The following TAF6 variants were observed in gnomAD, a reference collection of about 807,000 sequenced individuals.
The protein encoded by TAF6 is transcription initiation factor TFIID subunit 6.
TAF6 carries 50 observed loss-of-function variants against 73.5 expected under a neutral mutation model. The observed-to-expected ratio is 0.68, with a 90% CI of 0.54 to 0.86. TAF6 has a LOEUF of 0.86. Ranked by LOEUF, TAF6 falls within the 40% of genes least tolerant of loss-of-function variation. The pLI is 0.00. For missense variants in TAF6, 768 were observed against 899.5 expected (o/e 0.85, Z 1.87); for synonymous variants, 424 against 376.7 (o/e 1.13, Z -1.45).
chr7:100,114,713 A>G (rs1231079894), intron 1 of TAF6, among the ~76,000 whole-genome samples: 5 of 141,942 alleles, frequency 3.5e-5, no homozygotes, highest in Admixed American at 7.1e-5. Flanking sequence ...CCGTCTCAGG[A>G]AAAAAAAAAA....
In TAF6 at chr7:100,113,973, C is replaced by T; in HGVS notation, c.157-19G>A. 1 of 1,614,130 alleles carries T rather than the reference C, an allele frequency of 6.2e-7. No individual in the cohort carries two copies. Among genetic ancestry groups the T allele is most frequent in the Admixed American group, 1.7e-5 (1 of 59,992 alleles). Reference sequence around the variant, plus strand: ...AGGCATCCTGGGGTCGGTGACAGAACAGACATCAGCCCAAAATCCTAAGGA... The same window carrying T: ...AGGCATCCTGGGGTCGGTGACAGAATAGACATCAGCCCAAAATCCTAAGGA... On this transcript the variant is annotated intron_variant, in intron 2 of 14. Transcript: ENST00000453269.
At chr7:100,107,875 CT>C in intron 14 of TAF6, 50 bp downstream of exon 14, 1 of 1,559,886 alleles carries the variant, frequency 6.4e-7, no homozygotes, top group South Asian at 1.2e-5. Flanking sequence ...CCAGGGTGCT[CT>C]GAGGTAACCC....
chr7:100,108,149 A>C (rs1480813696), intron 13 of TAF6, 26 bp from the exon 14 acceptor site: 3 of 1,572,708 alleles, frequency 1.9e-6, no homozygotes, highest in Non-Finnish European at 8.6e-7. Flanking sequence ...GAAAGGGGGA[A>C]GTGGCACCAT....
At chr7:100,109,220 A>G (rs1049580622) in intron 12 of TAF6, among the ~76,000 whole-genome samples, 7 of 151,142 alleles carry the variant, frequency 4.6e-5, no homozygotes, top group Non-Finnish European at 7.4e-5. Context: ...GCTACTTGGG[A>G]GGCTGAGGCA....
At chr7:100,110,802 A>T (rs1797108808) in intron 10 of TAF6, among the ~76,000 whole-genome samples, 1 of 150,800 alleles carries the variant, frequency 6.6e-6, no homozygotes, top group Non-Finnish European at 1.5e-5. Flanking sequence ...GAAGAGCGAA[A>T]CTCCATCTCA....
At chr7:100,123,361 AAAAC>A (rs757914205), upstream of TAF6, among the ~76,000 whole-genome samples, 23 of 151,654 alleles carry the variant, frequency 1.5e-4, no homozygotes, top group Non-Finnish European at 3.2e-4. Flanking sequence ...AACAAAAACA[AAAAC>A]AAAAAAAAAG....
intron 1 of TAF6, chr7:100,115,093 T>C (rs917820848): frequency 2.6e-5 from 4 of 152,300 alleles, no homozygotes; most frequent in African/African-American, 7.2e-5. Context: ...ACTGCTGGGC[T>C]CACGCAGTCC....
chr7:100,122,999 C>T, upstream of TAF6: 1 of 1,400,468 alleles, frequency 7.1e-7, no homozygotes, highest in Non-Finnish European at 9.6e-7. Flanking sequence ...ATGTCTACCC[C>T]TAAGCATGGG....
intron 12 of TAF6, among the ~76,000 whole-genome samples, chr7:100,109,614 G>C (rs553191221): frequency 1.4e-5 from 2 of 146,714 alleles, no homozygotes; most frequent in African/African-American, 5.0e-5. Flanking sequence ...CTCCCACCTC[G>C]GCCTCCCTAG....
chr7:100,123,172 T>C, upstream of TAF6, among the ~76,000 whole-genome samples: 1 of 151,840 alleles, frequency 6.6e-6, no homozygotes, highest in East Asian at 1.9e-4. Context: ...CAAAACCCCG[T>C]CTTTAATAAA....
upstream of TAF6, chr7:100,119,512 T>C: frequency 7.5e-7 from 1 of 1,331,112 alleles, no homozygotes; most frequent in Non-Finnish European, 9.9e-7. Flanking sequence ...GTGTAATTAC[T>C]GCAATTTATT....
chr7:100,110,641 G>A (rs759201308), intron 10 of TAF6, among the ~76,000 whole-genome samples: 6 of 152,108 alleles, frequency 3.9e-5, no homozygotes, highest in Non-Finnish European at 8.8e-5. Flanking sequence ...GAGAAACCCC[G>A]TCTCTACTAA....
rs1260718739 is a variant in TAF6, at chr7:100,108,425, C to T, written c.1400G>A (p.Arg467Gln). Reference protein sequence around the residue: ...PLLCSQVVKARAQAALQAQQV... With the variant: ...PLLCSQVVKAQAQAALQAQQV... ...CTGAGCCTGCAGAGCAGCCTGGGCC[C>T]GAGCCTTGACCACCTGGGAGCAGAG... Residue 467 changes from arginine (R) to glutamine (Q), a missense_variant, in exon 13 of 15, where the codon CGG becomes CAG. Physicochemically the swap from Arg to Gln is conservative, Grantham distance 43. Around this residue, in one of 5 missense-constraint regions of TAF6, gnomAD observed 350 missense variants for 352.3 expected, o/e 0.99. Transcript: ENST00000453269. 5 of 1,613,792 alleles carry T rather than the reference C, an allele frequency of 3.1e-6. No homozygotes were observed. Among genetic ancestry groups the T allele is most frequent in the Non-Finnish European group, 4.2e-6 (5 of 1,179,788 alleles).
the TAF6 span, chr7:100,125,126 TTGGCAGGTGTA>T: frequency 2.0e-6 from 1 of 497,778 alleles, no homozygotes; most frequent in African/African-American, 1.9e-5. Flanking sequence ...AGCCCCTTAA[TTGGCAGGTGTA>T]TGTGCTGACA....
At chr7:100,121,364 C>G (rs1798064511), upstream of TAF6, 1 of 151,548 alleles carries the variant, frequency 6.6e-6, no homozygotes, top group Non-Finnish European at 1.5e-5. Flanking sequence ...GTCTCAATCT[C>G]TTGACCTCGT....
At chr7:100,121,039 TTCA>T (rs1488948916), upstream of TAF6, 1 of 133,740 alleles carries the variant, frequency 7.5e-6, no homozygotes, top group Non-Finnish European at 1.6e-5. Context: ...TTATTTAATC[TTCA>T]TCACACTCCT....
chr7:100,110,302 T>G, intron 10 of TAF6, 28 bp from the exon 11 acceptor site: 1 of 1,611,174 alleles, frequency 6.2e-7, no homozygotes, highest in Non-Finnish European at 8.5e-7. Context: ...TAAACTAAGA[T>G]GAAGGGGTCT....
chr7:100,127,126 G>A, the TAF6 span: 1 of 505,992 alleles, frequency 2.0e-6, no homozygotes, highest in Non-Finnish European at 3.5e-6. This position sits in a 1 kb window ranked among gnomAD's most constrained non-coding sequence, Gnocchi z 4.6. Context: ...AGGGTGACGG[G>A]CAAGGACGTA....
chr7:100,109,682 T>C (rs1796985807), intron 12 of TAF6, among the ~76,000 whole-genome samples: 1 of 151,094 alleles, frequency 6.6e-6, no homozygotes, highest in African/African-American at 2.4e-5. Flanking sequence ...TTTTTGCAGG[T>C]GGGATCTCGC....
Sources: allele counts gnomAD v4.1 joint callset (sites outside exome capture counted in the v4.1 genomes callset), GRCh38; gene constraint gnomAD v4.1.1; regional missense constraint gnomAD v4.1.1; non-coding constraint Gnocchi (gnomAD v3.1); transcripts MANE v1.5; gene names NCBI Gene and HGNC (gene_info 2026-07-23, HGNC 2026-07-21).